Variants in WWOX observed in about 807,000 individuals in gnomAD.
The protein encoded by WWOX is WW domain containing oxidoreductase.
In WWOX, 69 loss-of-function variants were observed where a neutral mutation model predicts 46.2. The ratio of observed to expected loss-of-function variants is 1.49; its 90% CI spans 1.23 to 1.82. The LOEUF (loss-of-function observed/expected upper bound fraction) is 1.82. Ranked by LOEUF, WWOX falls within the 40% of genes most tolerant of loss-of-function variation. The probability of loss-of-function intolerance (pLI) is 0.00; values close to 1 mark genes in which losing one functional copy is unlikely to be tolerated. For synonymous variants in WWOX, 359 were observed against 202.6 expected, an observed-to-expected ratio of 1.77 and a Z score of -6.56; for missense variants, 919 against 542.6, an observed-to-expected ratio of 1.69 and a Z score of -6.89.
chr16:78,380,494 A>G (rs1007152240), intron 5 of WWOX, among the ~76,000 whole-genome samples: 1 of 152,152 alleles, frequency 6.6e-6, no homozygotes, highest in Admixed American at 6.5e-5. Context: ...TGGGCCAGTG[A>G]CGACCCATTC....
At chr16:78,782,647 C>T (rs984897378) in intron 8 of WWOX, among the ~76,000 whole-genome samples, 3 of 151,318 alleles carry the variant, frequency 2.0e-5, no homozygotes, top group East Asian at 1.9e-4. Context: ...TCTTTCTTTC[C>T]GGTCTTTCTT....
chr16:78,471,819 G>GA (rs1382838670), intron 8 of WWOX, among the ~76,000 whole-genome samples: 1 of 152,120 alleles, frequency 6.6e-6, no homozygotes, highest in Non-Finnish European at 1.5e-5. Context: ...GTCATATCAT[G>GA]AAGTAGATTT....
intron 8 of WWOX, among the ~76,000 whole-genome samples, chr16:78,665,039 G>T (rs1246225912): frequency 6.6e-6 from 1 of 152,142 alleles, no homozygotes; most frequent in Non-Finnish European, 1.5e-5. Flanking sequence ...CCTGCATCCT[G>T]TTCATTACAC....
intron 8 of WWOX, among the ~76,000 whole-genome samples, chr16:78,565,797 T>G (rs1261522574): frequency 6.6e-6 from 1 of 152,084 alleles, no homozygotes; most frequent in East Asian, 1.9e-4. Context: ...AATATAAGCT[T>G]TATCCAGGGG....
intron 4 of WWOX, among the ~76,000 whole-genome samples, chr16:78,118,022 GTTCT>G (rs376247260): frequency 0.047 from 7,111 of 150,114 alleles, 227 homozygotes; most frequent in Non-Finnish European, 0.068. Context: ...ATTTCCAGTG[GTTCT>G]TTCTTTCTTT....
chr16:78,651,520 G>A (rs182444039), intron 8 of WWOX, among the ~76,000 whole-genome samples: 2 of 152,342 alleles, frequency 1.3e-5, no homozygotes, highest in Admixed American at 1.3e-4. Context: ...TGAGGCCAGA[G>A]TCTATCCTTG....
rs1275535822 is a variant in WWOX, at chr16:78,366,969, A to T, written c.517-19891A>T. 6.2e-4 allele frequency among the ~76,000 whole-genome samples: 46 copies of T among 74,244 alleles called. 1 individual carries two copies. The highest frequency in any genetic ancestry group is 2.9e-3 in the South Asian group (5 of 1,706). The allele number at this position is 74,244 out of a possible 152,430, so 48.7% of individuals were successfully genotyped here. ...TTTTTTTTTGTATCACAAAAGTTACATTTTTTTTTTTTTTTTTTTTTTTTT... is the reference window on the plus strand; with the variant it reads ...TTTTTTTTTGTATCACAAAAGTTACTTTTTTTTTTTTTTTTTTTTTTTTTT... On this transcript the variant is annotated intron_variant, in intron 5 of 8. Coordinates refer to ENST00000566780, the MANE Select transcript of WWOX (RefSeq NM_016373.4).
chr16:78,361,687 C>G (rs550827880), intron 5 of WWOX, among the ~76,000 whole-genome samples: 2 of 152,262 alleles, frequency 1.3e-5, no homozygotes, highest in African/African-American at 4.8e-5. Flanking sequence ...TATCGGCTCC[C>G]TGCAACCTCT....
At chr16:79,175,835 C>T (rs8057622) in intron 8 of WWOX, among the ~76,000 whole-genome samples, 8,691 of 152,252 alleles carry the variant, frequency 0.057, 416 homozygotes, top group Non-Finnish European at 0.063. Flanking sequence ...TCCTCCCACA[C>T]ATCCTGCTCC....
intron 8 of WWOX, among the ~76,000 whole-genome samples, chr16:78,601,199 A>G: frequency 6.6e-6 from 1 of 152,154 alleles, no homozygotes; most frequent in East Asian, 1.9e-4. Context: ...TATCACCAAG[A>G]TTCCTTTCTT....
intron 8 of WWOX, among the ~76,000 whole-genome samples, chr16:79,082,517 A>G (rs2048779381): frequency 6.6e-6 from 1 of 152,146 alleles, no homozygotes; most frequent in Non-Finnish European, 1.5e-5. Flanking sequence ...AGCCCAAAGG[A>G]ACTGTGTGCC....
intron 8 of WWOX, among the ~76,000 whole-genome samples, chr16:79,191,887 A>C (rs72628257): frequency 0.19 from 29,238 of 152,150 alleles, 2,989 homozygotes; most frequent in Middle Eastern, 0.3. Flanking sequence ...AGTTTAAACA[A>C]AATTAGTGGA....
chr16:78,938,359 C>T (rs372898927), intron 8 of WWOX, among the ~76,000 whole-genome samples: 8 of 152,294 alleles, frequency 5.3e-5, no homozygotes, highest in African/African-American at 1.9e-4. Context: ...GTGTATACCA[C>T]TGACAGTGTT....
chr16:78,385,004 C>G lies in WWOX; in HGVS notation c.517-1856C>G, dbSNP rs537070728. Among the ~76,000 whole-genome samples, 3 of 152,060 alleles carry G rather than the reference C, an allele frequency of 2.0e-5. No individual in the cohort carries two copies. The East Asian group carries it at 5.8e-4, about 29-fold the overall frequency. Reference sequence around the variant, plus strand: ...CAAAAATAAGCTGGGTGTGTTGGCACGCACCTGTAGTCCCAGCTAGTCGGG... The same window carrying G: ...CAAAAATAAGCTGGGTGTGTTGGCAGGCACCTGTAGTCCCAGCTAGTCGGG... On this transcript the variant is annotated intron_variant, in intron 5 of 8. Coordinates refer to ENST00000566780, the MANE Select transcript of WWOX (RefSeq NM_016373.4).
intron 8 of WWOX, among the ~76,000 whole-genome samples, chr16:78,991,230 C>A (rs796254823): frequency 3.9e-5 from 6 of 152,288 alleles, no homozygotes; most frequent in East Asian, 1.9e-4. Context: ...TGAACTATTT[C>A]TTGGATGAAA....
chr16:78,854,888 C>G (rs919207600), intron 8 of WWOX, among the ~76,000 whole-genome samples: 1 of 148,352 alleles, frequency 6.7e-6, no homozygotes, highest in African/African-American at 2.5e-5. Flanking sequence ...GCTCTATTTG[C>G]TGATTTTTGA....
intron 5 of WWOX, among the ~76,000 whole-genome samples, chr16:78,297,386 G>A (rs1475733263): frequency 1.3e-5 from 2 of 152,076 alleles, no homozygotes; most frequent in African/African-American, 4.8e-5. Context: ...CCTTCCAACA[G>A]CATCCCCCAC....
intron 8 of WWOX, among the ~76,000 whole-genome samples, chr16:78,700,492 A>G (rs1478224809): frequency 2.6e-5 from 4 of 152,174 alleles, no homozygotes; most frequent in Non-Finnish European, 5.9e-5. Flanking sequence ...AAGAGAGAGG[A>G]ACATATTCAG....
At chr16:78,966,066 C>T (rs967019731) in intron 8 of WWOX, among the ~76,000 whole-genome samples, 2 of 152,184 alleles carry the variant, frequency 1.3e-5, no homozygotes, top group Admixed American at 6.5e-5. Context: ...CACTGTGTGA[C>T]CAGCTCTGAG....
Sources: gnomAD v4.1 joint callset for allele counts (sites outside exome capture counted in the v4.1 genomes callset) on GRCh38, gnomAD v4.1.1 for gene constraint, MANE v1.5 for transcripts, NCBI Gene and HGNC (gene_info 2026-07-23, HGNC 2026-07-21) for gene names.